Variants in KLHL8 observed in about 807,000 individuals in gnomAD.
The protein encoded by KLHL8 is kelch-like protein 8.
In KLHL8, 38 loss-of-function variants were observed where a neutral mutation model predicts 63.5. The ratio of observed to expected loss-of-function variants is 0.60; its 90% CI spans 0.46 to 0.78. The LOEUF (loss-of-function observed/expected upper bound fraction) is 0.78. Among genes scored for constraint, KLHL8 ranks in the 30% least tolerant of loss-of-function variants. The probability of loss-of-function intolerance (pLI) is 0.00; values close to 1 mark genes in which losing one functional copy is unlikely to be tolerated. For synonymous variants in KLHL8, 224 were observed against 254.3 expected (o/e 0.88, Z 1.13); for missense variants, 566 against 752.4 (o/e 0.75, Z 2.90).
chr4:87,162,763 T>G lies in KLHL8; in HGVS notation c.*756A>C, dbSNP rs2149822498. The G allele has an allele frequency of 6.6e-6, 1 of 152,344 alleles. No individual in the cohort carries two copies. The highest frequency in any genetic ancestry group is 2.1e-4 in the South Asian group (1 of 4,830). The allele number at this position is 152,344 out of a possible 1,614,324, so 9.4% of individuals were successfully genotyped here. A position where few individuals can be genotyped will look rare whatever the true frequency, so the allele number is the denominator to read the frequency against. ...GAATAACATCAGATCTAAAACCTTGTTCAATATTTCCTCTGGTTCACCTTT... is the reference window on the plus strand; with the variant it reads ...GAATAACATCAGATCTAAAACCTTGGTCAATATTTCCTCTGGTTCACCTTT... On this transcript the variant is annotated 3_prime_UTR_variant, in exon 10 of 10. Transcript: ENST00000273963.
upstream of KLHL8, among the ~76,000 whole-genome samples, chr4:87,224,564 A>G (rs767959912): frequency 2.6e-5 from 4 of 152,212 alleles, no homozygotes; most frequent in Non-Finnish European, 4.4e-5. Flanking sequence ...GAGCCTGAAC[A>G]CCGCCAGCAA....
At chr4:87,213,508 C>T (rs936609480) in intron 1 of KLHL8, among the ~76,000 whole-genome samples, 1 of 152,178 alleles carries the variant, frequency 6.6e-6, no homozygotes, top group African/African-American at 2.4e-5. Context: ...CATTGCTGAG[C>T]TTACATAGAG....
Position 87,170,466 on chromosome 4 carries a change from ACTC to A in KLHL8, c.1355_1357del (p.Gly452del). 1 of 1,604,848 alleles carries A rather than the reference ACTC, an allele frequency of 6.2e-7. No homozygotes were observed. Among genetic ancestry groups the A allele is most frequent in the Non-Finnish European group, 8.5e-7 (1 of 1,177,672 alleles). Reference sequence around the variant, plus strand: ...ACTTACTACTAGAGCAACAGAGCCAACTCCTCCACGGGGAGTATTCATTGGTGC... The same window carrying A: ...ACTTACTACTAGAGCAACAGAGCCAACTCCACGGGGAGTATTCATTGGTGC... On this transcript the variant is annotated inframe_deletion, in exon 7 of 10. Transcript: ENST00000273963.
chr4:87,189,824 T>C (rs1731409677), intron 2 of KLHL8, among the ~76,000 whole-genome samples: 2 of 151,480 alleles, frequency 1.3e-5, no homozygotes, highest in African/African-American at 2.4e-5. Flanking sequence ...GGTCAGGAGA[T>C]GGAGACCATC....
At position 87,174,250 on chromosome 4, in the gene KLHL8, ATG is replaced by A. The variant is rs201473666; in HGVS notation, c.1208+2505_1208+2506del. 8.3e-3 allele frequency among the ~76,000 whole-genome samples: 1,242 copies of A among 150,542 alleles called. 15 individuals are homozygous for A. The highest frequency in any genetic ancestry group is 0.029 in the African/African-American group (1,177 of 40,966). On this transcript the variant is annotated intron_variant, in intron 6 of 9. Coordinates refer to ENST00000273963, the MANE Select transcript of KLHL8 (RefSeq NM_020803.5). ...CATTATATATCATATATATGTGTGT[ATG>A]TGTGTGTGTATATATATATATCACC...
At chr4:87,184,697 ATCT>A (rs1731184613) in intron 3 of KLHL8, among the ~76,000 whole-genome samples, 1 of 152,138 alleles carries the variant, frequency 6.6e-6, no homozygotes, top group South Asian at 2.1e-4. Context: ...AGGGCCTATA[ATCT>A]TCTTATCCTG....
intron 6 of KLHL8, among the ~76,000 whole-genome samples, chr4:87,172,408 A>G (rs1470774495): frequency 6.6e-6 from 1 of 152,198 alleles, no homozygotes; most frequent in African/African-American, 2.4e-5. Context: ...TAGAAAGCCT[A>G]GCAAAACCTG....
chr4:87,186,135 T>C (rs1731244856), intron 2 of KLHL8, among the ~76,000 whole-genome samples: 2 of 151,232 alleles, frequency 1.3e-5, no homozygotes, highest in Non-Finnish European at 3.0e-5. Context: ...GCCTCCTGGG[T>C]TTAAGCAATT....
chr4:87,214,612 G>C (rs374951425), intron 1 of KLHL8, among the ~76,000 whole-genome samples: 23 of 151,854 alleles, frequency 1.5e-4, no homozygotes, highest in Middle Eastern at 3.4e-3. Context: ...GAAGTGCAAT[G>C]TCGAGGATTC....
chr4:87,206,740 A>G (rs1732146049), intron 1 of KLHL8, among the ~76,000 whole-genome samples: 2 of 152,342 alleles, frequency 1.3e-5, no homozygotes, highest in South Asian at 2.1e-4. Flanking sequence ...TCAAGGCCCA[A>G]CTTAAATAAT....
intron 5 of KLHL8, among the ~76,000 whole-genome samples, chr4:87,177,891 T>G: frequency 6.6e-6 from 1 of 152,108 alleles, no homozygotes; most frequent in East Asian, 1.9e-4. Context: ...TGATCAATTT[T>G]TTTCCTCAAT....
chr4:87,169,279 T>A (rs1303360257), intron 8 of KLHL8, among the ~76,000 whole-genome samples: 1 of 152,170 alleles, frequency 6.6e-6, no homozygotes, highest in Non-Finnish European at 1.5e-5. Context: ...CACTCCAGCC[T>A]GGGTGACAGA....
chr4:87,212,233 A>G (rs1363330257), intron 1 of KLHL8, among the ~76,000 whole-genome samples: 1 of 152,212 alleles, frequency 6.6e-6, no homozygotes, highest in East Asian at 1.9e-4. Flanking sequence ...GTGCCCTCTC[A>G]TGTAACAGTT....
chr4:87,193,135 T>A (rs1484033089), intron 2 of KLHL8, among the ~76,000 whole-genome samples: 5 of 152,212 alleles, frequency 3.3e-5, no homozygotes, highest in African/African-American at 1.2e-4. Flanking sequence ...TCCATAAACT[T>A]CAATTTTTTA....
chr4:87,170,056 T>C, intron 8 of KLHL8, 23 bp downstream of exon 8: 2 of 1,586,576 alleles, frequency 1.3e-6, no homozygotes, highest in Non-Finnish European at 1.7e-6. Flanking sequence ...ACTGATATAT[T>C]AGAGAAATAC....
intron 8 of KLHL8, chr4:87,166,877 C>G (rs1730420372): frequency 6.2e-6 from 1 of 160,166 alleles, no homozygotes; most frequent in African/African-American, 2.4e-5. Flanking sequence ...AACGTGCCTG[C>G]AGCCCTGAGC....
chr4:87,191,820 T>C (rs1731504195), intron 2 of KLHL8, among the ~76,000 whole-genome samples: 1 of 151,850 alleles, frequency 6.6e-6, no homozygotes, highest in African/African-American at 2.4e-5. Context: ...TGACCATGTT[T>C]ACTCAATATT....
chr4:87,175,491 C>A (rs1026444564), intron 6 of KLHL8, among the ~76,000 whole-genome samples: 1 of 152,118 alleles, frequency 6.6e-6, no homozygotes, highest in African/African-American at 2.4e-5. Flanking sequence ...TTTTAAAATA[C>A]CTAAGGCAGG....
At chr4:87,200,932 T>C (rs1328999748) in intron 1 of KLHL8, among the ~76,000 whole-genome samples, 1 of 152,212 alleles carries the variant, frequency 6.6e-6, no homozygotes, top group African/African-American at 2.4e-5. Context: ...ATGTGATTTA[T>C]ACATACAATG....
Sources: allele counts gnomAD v4.1 joint callset (sites outside exome capture counted in the v4.1 genomes callset), GRCh38; gene constraint gnomAD v4.1.1; transcripts MANE v1.5; gene names NCBI Gene and HGNC (gene_info 2026-07-23, HGNC 2026-07-21).